The following C1QTNF3 variants were observed in gnomAD, a reference collection of about 807,000 sequenced individuals.
C1QTNF3 encodes complement C1q tumor necrosis factor-related protein 3.
C1QTNF3 carries 26 observed loss-of-function variants against 32.6 expected under a neutral mutation model. That is an observed-to-expected ratio of 0.80 (90% CI 0.58 to 1.11). C1QTNF3 has a LOEUF of 1.11. C1QTNF3 is among the 50% of genes least tolerant of loss of function. The probability of loss-of-function intolerance (pLI) is 0.00; values close to 1 mark genes in which losing one functional copy is unlikely to be tolerated. For synonymous variants in C1QTNF3, 155 were observed against 146.0 expected (o/e 1.06, Z -0.44); for missense variants, 362 against 398.2 (o/e 0.91, Z 0.77).
At chr5:34,196,721 G>A in the C1QTNF3 span, among the ~76,000 whole-genome samples, 754 of 140,922 alleles carry the variant, frequency 5.4e-3, no homozygotes, top group South Asian at 0.013. Flanking sequence ...GTGCAGTGGC[G>A]CCATCTCGGC....
the C1QTNF3 span, among the ~76,000 whole-genome samples, chr5:34,050,111 C>T: frequency 2.6e-5 from 4 of 152,180 alleles, no homozygotes; most frequent in East Asian, 3.8e-4. Context: ...ATAACTTTCT[C>T]ATTCTGAAAT....
At chr5:34,168,332 G>C in the C1QTNF3 span, 1 of 151,170 alleles carries the variant, frequency 6.6e-6, no homozygotes, top group South Asian at 2.1e-4. Flanking sequence ...TTTTCCTTGA[G>C]ACTAGTAGTG....
At chr5:34,102,633 G>C in the C1QTNF3 span, among the ~76,000 whole-genome samples, 247 of 152,014 alleles carry the variant, frequency 1.6e-3, 1 homozygote, top group East Asian at 0.04. Flanking sequence ...AGTTTATAAA[G>C]AAACACTGAA....
At chr5:34,112,890 C>T in the C1QTNF3 span, among the ~76,000 whole-genome samples, 20 of 151,806 alleles carry the variant, frequency 1.3e-4, no homozygotes, top group African/African-American at 4.1e-4. Flanking sequence ...TTCAGTAATG[C>T]GGGCATAACA....
At chr5:34,137,933 T>C in the C1QTNF3 span, among the ~76,000 whole-genome samples, 1 of 152,220 alleles carries the variant, frequency 6.6e-6, no homozygotes, top group African/African-American at 2.4e-5. Context: ...GGAGACAAGA[T>C]ATTTAAAGAA....
At chr5:34,067,514 C>T in the C1QTNF3 span, among the ~76,000 whole-genome samples, 1 of 152,128 alleles carries the variant, frequency 6.6e-6, no homozygotes, top group Admixed American at 6.5e-5. Flanking sequence ...TGGCGGCAGG[C>T]GAAGAGAGGA....
At chr5:34,142,116 A>G in the C1QTNF3 span, among the ~76,000 whole-genome samples, 1 of 152,198 alleles carries the variant, frequency 6.6e-6, no homozygotes, top group Non-Finnish European at 1.5e-5. Flanking sequence ...AAGGAGCCCC[A>G]TGGTCCAGAA....
the C1QTNF3 span, among the ~76,000 whole-genome samples, chr5:34,238,514 G>A: frequency 6.6e-6 from 1 of 151,988 alleles, no homozygotes; most frequent in African/African-American, 2.4e-5. Flanking sequence ...CAGAAGGTAG[G>A]CCAAGCTAAG....
At chr5:34,099,965 T>A in the C1QTNF3 span, among the ~76,000 whole-genome samples, 1 of 151,858 alleles carries the variant, frequency 6.6e-6, no homozygotes, top group Non-Finnish European at 1.5e-5. Flanking sequence ...TGGACTCTTG[T>A]CACAAGCTAG....
the C1QTNF3 span, among the ~76,000 whole-genome samples, chr5:34,120,136 T>A: frequency 6.6e-6 from 1 of 152,188 alleles, no homozygotes; most frequent in Non-Finnish European, 1.5e-5. Context: ...AAATAACATT[T>A]GGTCTAATGG....
chr5:34,147,361 A>C, the C1QTNF3 span, among the ~76,000 whole-genome samples: 3 of 152,220 alleles, frequency 2.0e-5, no homozygotes, highest in African/African-American at 7.2e-5. Context: ...CATGTACCTA[A>C]ATGTTCATCA....
At chr5:34,037,754 G>C (rs1026049723) in intron 1 of C1QTNF3, among the ~76,000 whole-genome samples, 15 of 152,134 alleles carry the variant, frequency 9.9e-5, no homozygotes, top group African/African-American at 3.4e-4. Flanking sequence ...TTGAGATGAG[G>C]GATTTCATCT....
At chr5:34,172,526 TG>T in the C1QTNF3 span, among the ~76,000 whole-genome samples, 4 of 152,244 alleles carry the variant, frequency 2.6e-5, no homozygotes, top group African/African-American at 9.6e-5. Flanking sequence ...TCTTTCCCTG[TG>T]TAACTCCAGG....
In C1QTNF3 at chr5:34,020,336, C is replaced by CGTATCATTA; in HGVS notation, c.*246_*247insTAATGATAC. The stretch of plus-strand genomic sequence containing the variant: ...CAGAGGAGAATTATCTTTTAGGTGC[C>CGTATCATTA]AAGGAAAGAGTGATAAAGATGCTGA... On this transcript the variant is annotated 3_prime_UTR_variant, in exon 6 of 6. Transcript: ENST00000382065. 2 of 377,358 alleles carry CGTATCATTA rather than the reference C, an allele frequency of 5.3e-6. No individual in the cohort carries two copies. The highest frequency in any genetic ancestry group is 8.4e-5 in the Admixed American group (2 of 23,760). The allele number at this position is 377,358 out of a possible 1,614,324, so 23.4% of individuals were successfully genotyped here. A position where few individuals can be genotyped will look rare whatever the true frequency, so the allele number is the denominator to read the frequency against.
Position 34,020,468 on chromosome 5 carries a change from C to T in C1QTNF3, c.*115G>A. The T allele has an allele frequency of 7.9e-7, 1 of 1,264,074 alleles. No homozygotes were observed. Among genetic ancestry groups the T allele is most frequent in the South Asian group, 1.4e-5 (1 of 70,350 alleles). 78.3% of individuals were successfully genotyped at this position (1,264,074 alleles called of 1,614,324 possible). On this transcript the variant is annotated 3_prime_UTR_variant, in exon 6 of 6. Coordinates refer to ENST00000382065, the MANE Select transcript of C1QTNF3 (RefSeq NM_181435.6). Reference sequence around the variant, plus strand: ...ACCTGTAGCGTGAACAACATTGCAACCAATAATTTTTTGAATACAGCAATG... The same window carrying T: ...ACCTGTAGCGTGAACAACATTGCAATCAATAATTTTTTGAATACAGCAATG...
intron 1 of C1QTNF3, 44 bp from the exon 2 acceptor site, chr5:34,035,802 G>A (rs1372533792): frequency 6.9e-7 from 1 of 1,447,640 alleles, no homozygotes; most frequent in Non-Finnish European, 9.6e-7. Context: ...AGGTACTTGT[G>A]AGCAATTAGG....
the C1QTNF3 span, chr5:34,166,789 T>TG: frequency 2.0e-5 from 3 of 151,942 alleles, no homozygotes; most frequent in Non-Finnish European, 2.9e-5. Flanking sequence ...ATGATCATTT[T>TG]TTTTTTCAAA....
At chr5:34,079,683 A>C in the C1QTNF3 span, among the ~76,000 whole-genome samples, 6 of 151,674 alleles carry the variant, frequency 4.0e-5, no homozygotes, top group Admixed American at 6.5e-5. Context: ...AGCCAGACAC[A>C]GACAGACAAA....
At chr5:34,123,640 G>C in the C1QTNF3 span, among the ~76,000 whole-genome samples, 1 of 142,874 alleles carries the variant, frequency 7.0e-6, no homozygotes, top group South Asian at 2.2e-4. Context: ...TTTTCTTTGT[G>C]CTTTAAATGC....
Sources: gnomAD v4.1 joint callset for allele counts (sites outside exome capture counted in the v4.1 genomes callset) on GRCh38, gnomAD v4.1.1 for gene constraint, MANE v1.5 for transcripts, NCBI Gene and HGNC (gene_info 2026-07-23, HGNC 2026-07-21) for gene names.